Variants in MACO1 observed in about 807,000 individuals in gnomAD.
The protein encoded by MACO1 is macoilin.
MACO1 carries 14 observed loss-of-function variants against 78.7 expected under a neutral mutation model. That is an observed-to-expected ratio of 0.18 (90% CI 0.12 to 0.28). The LOEUF (loss-of-function observed/expected upper bound fraction) is 0.28, where lower values mean the gene tolerates loss of function less well. Among genes scored for constraint, MACO1 ranks in the 10% least tolerant of loss-of-function variants. The pLI is 1.00. For missense variants in MACO1, 501 were observed against 799.0 expected, an observed-to-expected ratio of 0.63 and a Z score of 4.50; for synonymous variants, 288 against 291.6, an observed-to-expected ratio of 0.99 and a Z score of 0.12.
intron 1 of MACO1, among the ~76,000 whole-genome samples, chr1:25,440,969 T>G (rs1481938132): frequency 3.3e-5 from 5 of 152,152 alleles, no homozygotes; most frequent in East Asian, 1.9e-4. Context: ...TTAAATTAGT[T>G]TCTTCATAGT....
chr1:25,462,626 C>T (rs1161865987), intron 6 of MACO1, among the ~76,000 whole-genome samples: 2 of 152,206 alleles, frequency 1.3e-5, no homozygotes, highest in African/African-American at 4.8e-5. Flanking sequence ...ACACATTCTA[C>T]AGCTATGTCT....
At chr1:25,455,922 T>C (rs1044668293) in intron 4 of MACO1, among the ~76,000 whole-genome samples, 7 of 152,034 alleles carry the variant, frequency 4.6e-5, no homozygotes, top group Non-Finnish European at 7.4e-5. Flanking sequence ...TTAACACTTA[T>C]GTTTACTTTT....
intron 1 of MACO1, among the ~76,000 whole-genome samples, chr1:25,446,142 G>A (rs1254406224): frequency 6.6e-6 from 1 of 152,078 alleles, no homozygotes; most frequent in Non-Finnish European, 1.5e-5. Flanking sequence ...TTTCTTTAAT[G>A]TACATTTTTA....
At position 25,430,920 on chromosome 1, in the gene MACO1, G is replaced by A. The variant is rs895475014; in HGVS notation, c.-179G>A. 1.3e-5 allele frequency: 6 copies of A among 475,204 alleles called. No homozygotes were observed. Among genetic ancestry groups the A allele is most frequent in the African/African-American group, 4.2e-5 (2 of 47,920 alleles). 29.4% of individuals were successfully genotyped at this position (475,204 alleles called of 1,614,324 possible). On this transcript the variant is annotated 5_prime_UTR_variant, in exon 1 of 11. Transcript: ENST00000374343. Reference sequence around the variant, plus strand: ...TTGTCATTTCTTTGTTTCCGAAGGCGGAGGAGGCTCCGAGCCCCCCCTCCC... The same window carrying A: ...TTGTCATTTCTTTGTTTCCGAAGGCAGAGGAGGCTCCGAGCCCCCCCTCCC...
In MACO1 at chr1:25,458,527, C is replaced by G. The variant is rs968903839; in HGVS notation, c.789C>G (p.Ala263=). ...REKGKEKDKD[A]KKHNLGINNN... is the part of the protein sequence containing the mutation. ...AAGGGAAAGAAAAGGACAAGGATGCCAAAAAACACAACCTTGGAATAAATA... is the reference window on the plus strand; with the variant it reads ...AAGGGAAAGAAAAGGACAAGGATGCGAAAAAACACAACCTTGGAATAAATA... The change falls in exon 6 of 11, where the codon GCC becomes GCG. Residue 263 remains alanine (A), a synonymous_variant. Transcript: ENST00000374343. The G allele has an allele frequency of 1.9e-6, 3 of 1,612,688 alleles. No individual in the cohort carries two copies. The Admixed American group carries it at 5.0e-5, about 27-fold the overall frequency.
intron 1 of MACO1, among the ~76,000 whole-genome samples, chr1:25,441,262 C>T (rs902454198): frequency 6.6e-6 from 1 of 151,902 alleles, no homozygotes; most frequent in Non-Finnish European, 1.5e-5. Flanking sequence ...ATGATCTCGG[C>T]TCACTGTAAC....
chr1:25,440,903 A>G (rs1000634076), intron 1 of MACO1, among the ~76,000 whole-genome samples: 58 of 152,194 alleles, frequency 3.8e-4, no homozygotes, highest in African/African-American at 1.3e-3. Flanking sequence ...CTGTCGTCAG[A>G]GCCAGTGGCA....
At position 25,454,359 on chromosome 1, in the gene MACO1, T is replaced by G. The variant is rs147789878; in HGVS notation, c.450T>G (p.Leu150=). 80 of 1,609,464 alleles carry G rather than the reference T, an allele frequency of 5.0e-5. No individual in the cohort carries two copies. The highest frequency in any genetic ancestry group is 6.7e-5 in the Non-Finnish European group (79 of 1,178,396). ...ATCTCAAAAACTTTCATGTAGACCT[T>G]TGTCGTCCATTTGCTGCTCACTGGT... ...FKDLKNFHVD[L]CRPFAAHCIG... The change falls in exon 4 of 11, where the codon CTT becomes CTG. Residue 150 remains leucine (L), a synonymous_variant. Transcript: ENST00000374343.
chr1:25,486,780 A>G (rs1404297777), intron 8 of MACO1, among the ~76,000 whole-genome samples: 2 of 152,224 alleles, frequency 1.3e-5, no homozygotes, highest in African/African-American at 2.4e-5. Flanking sequence ...GCCTCCCCCC[A>G]GCAGATGGCT....
intron 6 of MACO1, among the ~76,000 whole-genome samples, chr1:25,471,294 G>A (rs1004214798): frequency 1.3e-5 from 2 of 151,030 alleles, no homozygotes; most frequent in Admixed American, 1.3e-4. Flanking sequence ...AGCAGAGATC[G>A]TGCCACTGCA....
At chr1:25,459,077 G>T (rs1571966362) in intron 6 of MACO1, among the ~76,000 whole-genome samples, 185 bp downstream of exon 6, 2 of 152,294 alleles carry the variant, frequency 1.3e-5, no homozygotes, top group Admixed American at 1.3e-4. Flanking sequence ...TCAGCTCTTT[G>T]CAGTGTTCTG....
intron 1 of MACO1, among the ~76,000 whole-genome samples, chr1:25,436,352 G>T (rs546315904): frequency 6.6e-6 from 1 of 152,128 alleles, no homozygotes; most frequent in South Asian, 2.1e-4. Context: ...CTACCATCTT[G>T]TGGAGTTTGG....
chr1:25,450,902 C>T (rs1005617002), intron 3 of MACO1, among the ~76,000 whole-genome samples: 2 of 152,182 alleles, frequency 1.3e-5, no homozygotes, highest in Non-Finnish European at 2.9e-5. Flanking sequence ...GAACCTTCCA[C>T]CTCAAATATT....
In MACO1 at chr1:25,485,515, T is replaced by C; in HGVS notation, c.1314-98T>C. 7.9e-7 allele frequency: 1 copy of C among 1,263,264 alleles called. No individual in the cohort carries two copies. Among genetic ancestry groups the C allele is most frequent in the Non-Finnish European group, 1.1e-6 (1 of 918,212 alleles). The allele number at this position is 1,263,264 out of a possible 1,614,324, so 78.3% of individuals were successfully genotyped here. A position where few individuals can be genotyped will look rare whatever the true frequency, so the allele number is the denominator to read the frequency against. ...TTTTTGATTTGCTGTTCAAACCTCC[T>C]GTTTAATTGGCCTTAAGGTGATAAA... On this transcript the variant is annotated intron_variant, in intron 7 of 10. Transcript: ENST00000374343. The surrounding 1 kb of genome is among the most constrained non-coding windows in gnomAD (Gnocchi z 4.3).
intron 3 of MACO1, 149 bp from the exon 4 acceptor site, chr1:25,454,110 A>G: frequency 1.1e-6 from 1 of 904,700 alleles, no homozygotes; most frequent in Non-Finnish European, 1.5e-6. Context: ...GTCATATAAA[A>G]GCTTTCAGTT....
chr1:25,474,634 A>T (rs2043303792), intron 6 of MACO1, among the ~76,000 whole-genome samples: 1 of 152,190 alleles, frequency 6.6e-6, no homozygotes, highest in South Asian at 2.1e-4. Flanking sequence ...CAGCCTTGTG[A>T]TAAGGGTGGT....
intron 1 of MACO1, among the ~76,000 whole-genome samples, chr1:25,437,062 A>G (rs2042924876): frequency 6.6e-6 from 1 of 152,176 alleles, no homozygotes; most frequent in African/African-American, 2.4e-5. Flanking sequence ...TCTCCCACTC[A>G]GCACAGAGGA....
intron 6 of MACO1, among the ~76,000 whole-genome samples, chr1:25,461,704 G>T (rs1424295131): frequency 6.6e-6 from 1 of 152,008 alleles, no homozygotes; most frequent in Non-Finnish European, 1.5e-5. Context: ...CCATATTAAA[G>T]AATATGGGGA....
chr1:25,458,639 G>A lies in MACO1; in HGVS notation c.901G>A (p.Asp301Asn). The change falls in exon 6 of 11, where the codon GAT becomes AAT. Residue 301 changes from aspartate to asparagine, a missense_variant. By Grantham distance (23) the Asp-to-Asn change is conservative (BLOSUM62 1). This residue lies in a region of MACO1 where 90 missense variants were observed against 85.7 expected (regional missense o/e 1.05). Transcript: ENST00000374343. Reference protein sequence around the residue: ...NHINSKRLNNDLVGSTENLLK... With the variant: ...NHINSKRLNNNLVGSTENLLK... ...TATCAATAGTAAAAGATTAAATAAT[G>A]ATCTTGTGGGAAGTACAGAAAATCT... 6.2e-7 allele frequency: 1 copy of A among 1,614,046 alleles called. No homozygotes were observed.
Sources: gnomAD v4.1 joint callset for allele counts (sites outside exome capture counted in the v4.1 genomes callset) on GRCh38, gnomAD v4.1.1 for gene constraint, gnomAD v4.1.1 regional missense constraint, Gnocchi (gnomAD v3.1) non-coding constraint, MANE v1.5 for transcripts, NCBI Gene and HGNC (gene_info 2026-07-23, HGNC 2026-07-21) for gene names.